The following SPEF2 variants were observed in gnomAD, a reference collection of about 807,000 sequenced individuals.
The protein encoded by SPEF2 is sperm flagellar and cilia associated 2.
Under a neutral mutation model 224.6 loss-of-function variants are expected in SPEF2, and 187 were observed. That is an observed-to-expected ratio of 0.83 (90% confidence interval 0.74 to 0.94). SPEF2 has a LOEUF of 0.94. Among genes scored for constraint, SPEF2 ranks in the 40% least tolerant of loss-of-function variants. The probability of loss-of-function intolerance (pLI) is 0.00; values close to 1 mark genes in which losing one functional copy is unlikely to be tolerated. For synonymous variants in SPEF2, 715 were observed against 707.3 expected (o/e 1.01, Z -0.17); for missense variants, 2,170 against 2,135.6 (o/e 1.02, Z -0.32).
intron 23 of SPEF2, among the ~76,000 whole-genome samples, chr5:35,751,997 C>A (rs1749730878): frequency 6.6e-6 from 1 of 152,156 alleles, no homozygotes; most frequent in Non-Finnish European, 1.5e-5. Context: ...AGAGATAAAA[C>A]TGTTCCACTC....
At chr5:35,696,615 A>G (rs1194333911) in intron 14 of SPEF2, among the ~76,000 whole-genome samples, 2 of 152,226 alleles carry the variant, frequency 1.3e-5, no homozygotes. Flanking sequence ...ACTTGGATAT[A>G]TCAGTGAATA....
At position 35,629,004 on chromosome 5, in the gene SPEF2, A is replaced by T. The variant is rs944692935; in HGVS notation, c.161+442A>T. On this transcript the variant is annotated intron_variant, in intron 2 of 36. Transcript: ENST00000356031. ...CCTTGAACACCCAAGCAGACCATTG[A>T]TATGGAAATTGTTCCTTTCTTGCAC... Among the ~76,000 whole-genome samples, 3 of 152,214 alleles carry T rather than the reference A, an allele frequency of 2.0e-5. No individual in the cohort carries two copies. The East Asian group carries it at 5.8e-4, about 29-fold the overall frequency.
rs560952573 is a variant in SPEF2 at position 35,804,266 on chromosome 5, C to T, written c.5011-2441C>T. On this transcript the variant is annotated intron_variant, in intron 34 of 36. Transcript: ENST00000356031. ...ACACACAGGTAGCACTCTGGGGACA[C>T]ATTTGTTGGGAGTCCTGAGAGTTAG... is the stretch of plus-strand genomic sequence containing the variant. 2.7e-4 allele frequency among the ~76,000 whole-genome samples: 41 copies of T among 152,346 alleles called. No individual in the cohort carries two copies. In the South Asian group the frequency reaches 6.4e-3, roughly 24 times the overall value.
At chr5:35,751,821 C>T (rs928817673) in intron 23 of SPEF2, among the ~76,000 whole-genome samples, 11 of 152,104 alleles carry the variant, frequency 7.2e-5, no homozygotes, top group Non-Finnish European at 1.3e-4. Context: ...AGGCAAGAAA[C>T]TTAACCTGTC....
At chr5:35,744,156 T>A (rs1395534014) in intron 23 of SPEF2, among the ~76,000 whole-genome samples, 1 of 152,238 alleles carries the variant, frequency 6.6e-6, no homozygotes, top group Non-Finnish European at 1.5e-5. Context: ...GTTTTATGTA[T>A]CTCTAGTAAG....
At chr5:35,759,863 T>TC in intron 25 of SPEF2, 144 bp downstream of exon 25, 1 of 769,904 alleles carries the variant, frequency 1.3e-6, no homozygotes. Flanking sequence ...CATGTTTTTT[T>TC]TTTAACGTTA....
intron 10 of SPEF2, among the ~76,000 whole-genome samples, chr5:35,681,185 G>C (rs1227678369): frequency 6.6e-6 from 1 of 152,114 alleles, no homozygotes; most frequent in African/African-American, 2.4e-5. Context: ...TTGATAAGAG[G>C]TTTTAGAGAT....
chr5:35,688,942 T>C (rs371013171), intron 10 of SPEF2, among the ~76,000 whole-genome samples: 2 of 152,198 alleles, frequency 1.3e-5, no homozygotes, highest in East Asian at 3.9e-4. Flanking sequence ...CCAAATGAGA[T>C]TGGCTTGTAG....
intron 10 of SPEF2, among the ~76,000 whole-genome samples, chr5:35,690,531 G>C (rs1293385065): frequency 6.6e-6 from 1 of 152,042 alleles, no homozygotes; most frequent in Non-Finnish European, 1.5e-5. Context: ...GGAAGTCAGA[G>C]AATGTGATCC....
intron 6 of SPEF2, among the ~76,000 whole-genome samples, chr5:35,650,899 TC>T (rs201251203): frequency 0.014 from 2,073 of 152,284 alleles, 30 homozygotes; most frequent in South Asian, 0.054. Flanking sequence ...GTAATAGAAA[TC>T]AGAAGGTAAG....
chr5:35,760,701 G>A (rs1751162206), intron 25 of SPEF2, among the ~76,000 whole-genome samples: 1 of 152,130 alleles, frequency 6.6e-6, no homozygotes, highest in Non-Finnish European at 1.5e-5. Context: ...ATGGGTAGGG[G>A]CAAAGGAAAG....
intron 10 of SPEF2, among the ~76,000 whole-genome samples, chr5:35,676,878 C>T (rs1752096132): frequency 6.6e-6 from 1 of 152,100 alleles, no homozygotes; most frequent in African/African-American, 2.4e-5. Context: ...GAACCATAAA[C>T]TCTCCCACCT....
intron 26 of SPEF2, among the ~76,000 whole-genome samples, chr5:35,770,782 C>A (rs1752725010): frequency 6.6e-6 from 1 of 152,144 alleles, no homozygotes; most frequent in African/African-American, 2.4e-5. Context: ...CAGAGCTTCT[C>A]CATTCAGCAC....
At position 35,771,703 on chromosome 5, in the gene SPEF2, A is replaced by G. The variant is rs1752881005; in HGVS notation, c.3896A>G (p.Lys1299Arg). The G allele has an allele frequency of 1.2e-6, 2 of 1,602,370 alleles. No homozygotes were observed. The highest frequency in any genetic ancestry group is 2.7e-5 in the African/African-American group (2 of 73,784). Reference sequence around the variant, plus strand: ...AAATCTCCTCAGATGGGTGCAAATAAAAAAGTCAAAAAGGAGCCACCCAAG... The same window carrying G: ...AAATCTCCTCAGATGGGTGCAAATAGAAAAGTCAAAAAGGAGCCACCCAAG... ...KEKSPQMGAN[K>R]KVKKEPPKKK... Residue 1299 changes from lysine (K) to arginine (R), a missense_variant, in exon 27 of 37, where the codon AAA becomes AGA. Transcript: ENST00000356031.
intron 1 of SPEF2, among the ~76,000 whole-genome samples, chr5:35,620,620 A>G (rs1561082239): frequency 6.6e-6 from 1 of 152,312 alleles, no homozygotes; most frequent in African/African-American, 2.4e-5. Context: ...TAAAAATTGG[A>G]AACAATCTGA....
intron 1 of SPEF2, among the ~76,000 whole-genome samples, chr5:35,627,729 T>C (rs938891686): frequency 6.6e-6 from 1 of 152,232 alleles, no homozygotes; most frequent in Non-Finnish European, 1.5e-5. Context: ...AGCTCTCTGA[T>C]ATAAGATATA....
rs7713260 is a variant in SPEF2 at position 35,794,683 on chromosome 5, A to G, written c.4738-1020A>G. ...CTATTTATTGTATGTGGCAATTAAC[A>G]TAGGATATCAATTTGAACGTCCTTT... On this transcript the variant is annotated intron_variant, in intron 32 of 36. Transcript: ENST00000356031. Among the ~76,000 whole-genome samples the G allele has an allele frequency of 3.5e-3, 528 of 152,358 alleles. 6 individuals carry two copies. The highest frequency in any genetic ancestry group is 0.012 in the African/African-American group (507 of 41,592).
chr5:35,811,105 T>C (rs1758506414), intron 36 of SPEF2, among the ~76,000 whole-genome samples: 1 of 148,986 alleles, frequency 6.7e-6, no homozygotes, highest in Non-Finnish European at 1.5e-5. Context: ...AAAAAAATAA[T>C]AAATAATAAA....
At chr5:35,651,266 G>T (rs920852960) in intron 6 of SPEF2, among the ~76,000 whole-genome samples, 15 of 152,238 alleles carry the variant, frequency 9.9e-5, no homozygotes, top group African/African-American at 3.6e-4. Context: ...CATAAAATTG[G>T]GGTTCTATTT....
Sources: gnomAD v4.1 joint callset for allele counts (sites outside exome capture counted in the v4.1 genomes callset) on GRCh38, gnomAD v4.1.1 for gene constraint, MANE v1.5 for transcripts, NCBI Gene and HGNC (gene_info 2026-07-23, HGNC 2026-07-21) for gene names.